PRSS12: variants seen among roughly 807,000 people sequenced by gnomAD.
The protein encoded by PRSS12 is serine protease 12.
A neutral mutation model predicts 104.4 loss-of-function variants in PRSS12; 85 were observed. That is an observed-to-expected ratio of 0.81 (90% CI 0.68 to 0.98). The LOEUF (loss-of-function observed/expected upper bound fraction) is 0.98, where lower values mean the gene tolerates loss of function less well. Among genes scored for constraint, PRSS12 ranks in the 50% least tolerant of loss-of-function variants. The probability of loss-of-function intolerance (pLI) is 0.00; values close to 1 mark genes in which losing one functional copy is unlikely to be tolerated. For synonymous variants in PRSS12, 454 were observed against 425.2 expected, an observed-to-expected ratio of 1.07 and a Z score of -0.83; for missense variants, 1,141 against 1,139.2, an observed-to-expected ratio of 1.00 and a Z score of -0.02.
At position 118,352,870 on chromosome 4, in the gene PRSS12, C is replaced by G. The variant is rs1267298588; in HGVS notation, c.-150G>C. ...CGCGGACCGCCCTCGCCTCCCCAAC[C>G]TTGCCTCCCGCCGCTGGTGCCCTGC... On this transcript the variant is annotated 5_prime_UTR_variant, in exon 1 of 13. Coordinates refer to ENST00000296498, the MANE Select transcript of PRSS12 (RefSeq NM_003619.4). The G allele has an allele frequency of 2.2e-5, 32 of 1,431,710 alleles. No individual in the cohort carries two copies. Among genetic ancestry groups the G allele is most frequent in the Non-Finnish European group, 2.7e-5 (30 of 1,095,402 alleles). 88.7% of individuals were successfully genotyped at this position (1,431,710 alleles called of 1,614,324 possible). A position where few individuals can be genotyped will look rare whatever the true frequency, so the allele number is the denominator to read the frequency against.
At chr4:118,326,892 A>G (rs1723788321) in intron 4 of PRSS12, among the ~76,000 whole-genome samples, 1 of 152,152 alleles carries the variant, frequency 6.6e-6, no homozygotes, top group Non-Finnish European at 1.5e-5. Flanking sequence ...GGGGTGTCCA[A>G]TCTTTTGGCT....
chr4:118,343,795 T>C (rs1578941626), intron 1 of PRSS12, among the ~76,000 whole-genome samples: 1 of 152,162 alleles, frequency 6.6e-6, no homozygotes, highest in South Asian at 2.1e-4. Flanking sequence ...TAACCCCTCA[T>C]TAAAATGTAC....
intron 7 of PRSS12, among the ~76,000 whole-genome samples, chr4:118,312,569 T>C (rs1035851939): frequency 5.9e-5 from 9 of 152,172 alleles, no homozygotes; most frequent in Non-Finnish European, 1.2e-4. Context: ...ATTATTTCAA[T>C]ACAGTTAGAG....
At chr4:118,339,107 A>G (rs1002231018) in intron 1 of PRSS12, among the ~76,000 whole-genome samples, 2 of 152,166 alleles carry the variant, frequency 1.3e-5, no homozygotes, top group African/African-American at 4.8e-5. Context: ...AGGAAAGATA[A>G]CACTTTGGTC....
At chr4:118,333,568 T>C (rs1170902946) in intron 3 of PRSS12, among the ~76,000 whole-genome samples, 1 of 152,208 alleles carries the variant, frequency 6.6e-6, no homozygotes, top group Non-Finnish European at 1.5e-5. Context: ...TCTCACAAAT[T>C]ATGATGTTTA....
chr4:118,312,375 C>T (rs1020616465), intron 7 of PRSS12, among the ~76,000 whole-genome samples: 20 of 152,040 alleles, frequency 1.3e-4, no homozygotes, highest in African/African-American at 2.7e-4. Context: ...CACACACACA[C>T]GCACACACAT....
chr4:118,351,259 C>T (rs1423816086), intron 1 of PRSS12, among the ~76,000 whole-genome samples: 3 of 151,974 alleles, frequency 2.0e-5, no homozygotes, highest in Admixed American at 1.3e-4. Context: ...AAACCCTTGC[C>T]CCACAGTGTG....
chr4:118,317,467 T>C (rs1461141085), intron 5 of PRSS12, among the ~76,000 whole-genome samples: 1 of 152,182 alleles, frequency 6.6e-6, no homozygotes, highest in African/African-American at 2.4e-5. Context: ...TAATATAATA[T>C]TTTACTGTCT....
chr4:118,325,139 C>G (rs2126038165), intron 4 of PRSS12, among the ~76,000 whole-genome samples: 1 of 152,060 alleles, frequency 6.6e-6, no homozygotes, highest in South Asian at 2.1e-4. Flanking sequence ...AACACAGGAA[C>G]AGAAAACCAA....
chr4:118,283,111 C>T lies in PRSS12; in HGVS notation c.2040G>A (p.Arg680=), dbSNP rs1219698199. 1 of 1,614,096 alleles carries T rather than the reference C, an allele frequency of 6.2e-7. No individual in the cohort carries two copies. The highest frequency in any genetic ancestry group is 1.1e-5 in the South Asian group (1 of 91,084). ...WVLTAAHCFK[R]YGNSTRSYAV... is the part of the protein sequence containing the mutation. ...CATAGCTCCTAGTGCTGTTGCCATA[C>T]CTGAGAGGCAGAGAGTACTAATGAG... The change falls in exon 12 of 13, where the codon AGG becomes AGA. Residue 680 remains arginine (R), a splice_region_variant and synonymous_variant. Transcript: ENST00000296498.
At chr4:118,298,583 C>T (rs1255785276) in intron 9 of PRSS12, 150 bp downstream of exon 9, 17 of 884,856 alleles carry the variant, frequency 1.9e-5, no homozygotes, top group Non-Finnish European at 2.9e-5. Flanking sequence ...GGCAAGTTTG[C>T]CAAGAACTAC....
At chr4:118,291,170 T>C (rs1743118684) in intron 11 of PRSS12, among the ~76,000 whole-genome samples, 1 of 152,116 alleles carries the variant, frequency 6.6e-6, no homozygotes, top group South Asian at 2.1e-4. Context: ...TTTAGTGGTT[T>C]CCCACTACCT....
At position 118,281,118 on chromosome 4, in the gene PRSS12, T is replaced by A. The variant is rs1305280165; in HGVS notation, c.*818A>T. 1 of 152,264 alleles carries A rather than the reference T, an allele frequency of 6.6e-6. No homozygotes were observed. The allele number at this position is 152,264 out of a possible 1,614,324, so 9.4% of individuals were successfully genotyped here. On this transcript the variant is annotated 3_prime_UTR_variant, in exon 13 of 13. Transcript: ENST00000296498. The stretch of plus-strand genomic sequence containing the variant: ...GGGAAGTGTCAGTGGGTGGCACTCT[T>A]ACATCATGGTCGGGGAACGTGGACT...
At chr4:118,341,261 T>C (rs1409050508) in intron 1 of PRSS12, among the ~76,000 whole-genome samples, 1 of 152,214 alleles carries the variant, frequency 6.6e-6, no homozygotes, top group East Asian at 1.9e-4. Flanking sequence ...CATTTGGTGA[T>C]ATCATTTTCT....
In PRSS12 at chr4:118,318,228, A is replaced by G. The variant is rs1468077624; in HGVS notation, c.1150+150T>C. ...ATGAATAAAAAGATGGTACTTTAATATACGGTTTGCATTCTTTTTGTTTGT... is the reference window on the plus strand; with the variant it reads ...ATGAATAAAAAGATGGTACTTTAATGTACGGTTTGCATTCTTTTTGTTTGT... On this transcript the variant is annotated intron_variant, in intron 5 of 12. Coordinates refer to ENST00000296498, the MANE Select transcript of PRSS12 (RefSeq NM_003619.4). The G allele has an allele frequency of 3.9e-6, 3 of 774,460 alleles. No homozygotes were observed. In the African/African-American group the frequency reaches 5.3e-5, roughly 14 times the overall value. 48.0% of individuals were successfully genotyped at this position (774,460 alleles called of 1,614,324 possible). A position where few individuals can be genotyped will look rare whatever the true frequency, so the allele number is the denominator to read the frequency against.
In PRSS12 at chr4:118,283,039, C is replaced by T. The variant is rs2126025286; in HGVS notation, c.2112G>A (p.Glu704=). 1.2e-6 allele frequency: 2 copies of T among 1,614,140 alleles called. No individual in the cohort carries two copies. The highest frequency in any genetic ancestry group is 1.1e-5 in the South Asian group (1 of 91,084). ...CAATCTGTTGAACTCCAATTTCTTC[C>T]TCAAACTCCTCTGGTACCAGAGTAT... ...DYHTLVPEEF[E]EEIGVQQIVI... The change falls in exon 12 of 13, where the codon GAG becomes GAA. Residue 704 remains glutamate (E), a synonymous_variant. Coordinates refer to ENST00000296498, the MANE Select transcript of PRSS12 (RefSeq NM_003619.4).
chr4:118,292,465 T>G (rs760677914), intron 11 of PRSS12, among the ~76,000 whole-genome samples: 27 of 152,166 alleles, frequency 1.8e-4, no homozygotes, highest in Non-Finnish European at 3.2e-4. Flanking sequence ...TGCCCTAAAC[T>G]TTTTCTGGTC....
chr4:118,308,872 TA>T (rs1364297084), intron 7 of PRSS12, among the ~76,000 whole-genome samples: 1 of 152,174 alleles, frequency 6.6e-6, no homozygotes, highest in Admixed American at 6.5e-5. Flanking sequence ...AACAGCATTA[TA>T]AAACTGTGAA....
At chr4:118,282,278 A>G (rs1460600138) in intron 12 of PRSS12, 35 bp from the exon 13 acceptor site, 16 of 1,611,880 alleles carry the variant, frequency 9.9e-6, no homozygotes, top group African/African-American at 1.3e-5. Context: ...GTGGCATTCC[A>G]GATAACCATC....
Sources: gnomAD v4.1 joint callset for allele counts (sites outside exome capture counted in the v4.1 genomes callset) on GRCh38, gnomAD v4.1.1 for gene constraint, MANE v1.5 for transcripts, NCBI Gene and HGNC (gene_info 2026-07-23, HGNC 2026-07-21) for gene names.